The following DMXL2 variants were observed in gnomAD, a reference collection of about 807,000 sequenced individuals.
DMXL2 encodes Dmx like 2.
DMXL2 carries 103 observed loss-of-function variants against 331.1 expected under a neutral mutation model. The ratio of observed to expected loss-of-function variants is 0.31; its 90% CI spans 0.27 to 0.37. The LOEUF (loss-of-function observed/expected upper bound fraction) is 0.37. Among genes scored for constraint, DMXL2 ranks in the 10% least tolerant of loss-of-function variants. The probability of loss-of-function intolerance (pLI) is 1.00; values close to 1 mark genes in which losing one functional copy is unlikely to be tolerated. For missense variants in DMXL2, 3,171 were observed against 3,642.9 expected (o/e 0.87, Z 3.33); for synonymous variants, 1,281 against 1,252.1 (o/e 1.02, Z -0.49).
chr15:51,565,298 C>T, intron 3 of DMXL2, 132 bp from the exon 4 acceptor site: 1 of 547,726 alleles, frequency 1.8e-6, no homozygotes, highest in Non-Finnish European at 3.1e-6. Flanking sequence ...GAAAATATTT[C>T]ACTATTATTT....
chr15:51,487,387 A>AC (rs879606782), intron 22 of DMXL2, among the ~76,000 whole-genome samples: 1,737 of 152,290 alleles, frequency 0.011, 26 homozygotes, highest in East Asian at 0.025. Context: ...AGACATTCAT[A>AC]AACTATTTTT....
chr15:51,520,219 C>CGT (rs1463447477), intron 13 of DMXL2, among the ~76,000 whole-genome samples: 8 of 152,072 alleles, frequency 5.3e-5, no homozygotes, highest in Non-Finnish European at 1.5e-5. Flanking sequence ...ATGTCTTACC[C>CGT]ATTCAGTAAG....
chr15:51,522,869 GA>G (rs1478753039), intron 13 of DMXL2, among the ~76,000 whole-genome samples: 1 of 152,124 alleles, frequency 6.6e-6, no homozygotes, highest in Non-Finnish European at 1.5e-5. Flanking sequence ...CCTAGACTAT[GA>G]AATCCCACTT....
Position 51,563,566 on chromosome 15 carries a change from T to C in DMXL2, c.501-119A>G, listed in dbSNP as rs2050096777. 7.0e-6 allele frequency: 4 copies of C among 570,092 alleles called. No homozygotes were observed. The South Asian group carries it at 1.2e-4, about 17-fold the overall frequency. The allele number at this position is 570,092 out of a possible 1,614,324, so 35.3% of individuals were successfully genotyped here. A position where few individuals can be genotyped will look rare whatever the true frequency, so the allele number is the denominator to read the frequency against. On this transcript the variant is annotated intron_variant, in intron 5 of 43. Transcript: ENST00000560891. ...AGAATCCTCAGAATAAGACTGTTTT[T>C]GCTTCCCTAAAAATATAAATAAAAT...
rs1043839983 is a variant in DMXL2 at position 51,512,136 on chromosome 15, C to T, written c.2644+2306G>A. On this transcript the variant is annotated intron_variant, in intron 15 of 43. Coordinates refer to ENST00000560891, the MANE Select transcript of DMXL2 (RefSeq NM_001378457.1). ...AGCAAACCACCATGGCACATGTATACGTATGTAACAAACCTGCATGTTCTG... is the reference window on the plus strand; with the variant it reads ...AGCAAACCACCATGGCACATGTATATGTATGTAACAAACCTGCATGTTCTG... 6.6e-5 allele frequency among the ~76,000 whole-genome samples: 10 copies of T among 151,986 alleles called. No homozygotes were observed. In the Middle Eastern group the frequency reaches 0.01, roughly 155 times the overall value.
At chr15:51,491,840 A>G in intron 19 of DMXL2, 93 bp from the exon 20 acceptor site, 6 of 1,107,160 alleles carry the variant, frequency 5.4e-6, no homozygotes, top group Non-Finnish European at 6.2e-6. Context: ...TTCATTTTGG[A>G]AAGAATTTTG....
At chr15:51,548,599 C>A (rs774539791) in intron 6 of DMXL2, among the ~76,000 whole-genome samples, 1 of 151,940 alleles carries the variant, frequency 6.6e-6, no homozygotes, top group Non-Finnish European at 1.5e-5. Flanking sequence ...TACCCGAGAG[C>A]CCCTCAAAAG....
At chr15:51,589,239 T>C (rs898631216) in intron 1 of DMXL2, among the ~76,000 whole-genome samples, 4 of 152,202 alleles carry the variant, frequency 2.6e-5, no homozygotes, top group Admixed American at 6.5e-5. Context: ...TTAAGAATCA[T>C]GTGCAACTTG....
chr15:51,594,094 A>G (rs1467401807), intron 1 of DMXL2, among the ~76,000 whole-genome samples: 1 of 152,196 alleles, frequency 6.6e-6, no homozygotes, highest in African/African-American at 2.4e-5. Flanking sequence ...ATAGAGACAC[A>G]AAAAACCCTT....
Position 51,481,513 on chromosome 15 carries a change from A to C in DMXL2, c.5593T>G (p.Leu1865Val). The change falls in exon 24 of 44, where the codon TTA becomes GTA. Residue 1865 changes from leucine (L) to valine (V), a missense_variant. Leu to Val is a conservative substitution (Grantham distance 32). Transcript: ENST00000560891. ...AAGTTCTTCTCAGTTTTGAGACCTA[A>C]GGTTGCCAAAGTTCCTTCAGGGGAG... Reference protein sequence around the residue: ...LASPEGTLATLGLKTEKNFVD... With the variant: ...LASPEGTLATVGLKTEKNFVD... 2 of 1,613,658 alleles carry C rather than the reference A, an allele frequency of 1.2e-6. No individual in the cohort carries two copies. The highest frequency in any genetic ancestry group is 1.3e-5 in the African/African-American group (1 of 74,972).
At chr15:51,572,720 T>C (rs1265853571) in intron 2 of DMXL2, among the ~76,000 whole-genome samples, 1 of 152,106 alleles carries the variant, frequency 6.6e-6, no homozygotes, top group Non-Finnish European at 1.5e-5. Flanking sequence ...AAAAGGCCTT[T>C]GACAAAATTC....
At chr15:51,556,209 G>A (rs927033699) in intron 6 of DMXL2, among the ~76,000 whole-genome samples, 8 of 152,006 alleles carry the variant, frequency 5.3e-5, no homozygotes, top group African/African-American at 1.7e-4. Flanking sequence ...TGGGCGTGGT[G>A]GCGGGCGCCT....
chr15:51,478,456 C>T, intron 25 of DMXL2, 109 bp from the exon 26 acceptor site: 1 of 912,792 alleles, frequency 1.1e-6, no homozygotes, highest in Non-Finnish European at 1.7e-6. Flanking sequence ...ATAAATAAGA[C>T]TGAATCCTAG....
intron 13 of DMXL2, among the ~76,000 whole-genome samples, chr15:51,527,215 TAGGCCAGGAG>T (rs2047723518): frequency 6.6e-6 from 1 of 151,890 alleles, no homozygotes; most frequent in Non-Finnish European, 1.5e-5. Context: ...GGAAACCTTA[TAGGCCAGGAG>T]AAAGGCATGA....
In DMXL2 at chr15:51,451,652, G is replaced by A. The variant is rs757790094; in HGVS notation, c.8742C>T (p.Leu2914=). 1 of 1,612,468 alleles carries A rather than the reference G, an allele frequency of 6.2e-7. No homozygotes were observed. The highest frequency in any genetic ancestry group is 8.5e-7 in the Non-Finnish European group (1 of 1,178,968). The change falls in exon 42 of 44, where the codon CTC becomes CTT. Residue 2914 remains leucine (L), a synonymous_variant. Transcript: ENST00000560891. ...WDTLISPGNS[L]IHGFTCHDHG... is the part of the protein sequence containing the mutation. ...TCATAGACCTTAACTCACCATGAAT[G>A]AGGCTGTTTCCGGGTGATATTAATG... is the stretch of plus-strand genomic sequence containing the variant.
chr15:51,543,796 T>G (rs1006767587), intron 8 of DMXL2, among the ~76,000 whole-genome samples: 1 of 152,130 alleles, frequency 6.6e-6, no homozygotes, highest in African/African-American at 2.4e-5. Context: ...ACTTGTCAAA[T>G]CACTGGTTAC....
In DMXL2 at chr15:51,469,528, T is replaced by G. The variant is rs1212148340; in HGVS notation, c.7392+1695A>C. On this transcript the variant is annotated intron_variant, in intron 29 of 43. Transcript: ENST00000560891. ...TTTTTTTAATCTGAGGAAAAAAGAT[T>G]AATAGTAAATTGGCCACAATGGTAA... Among the ~76,000 whole-genome samples, 6 of 152,312 alleles carry G rather than the reference T, an allele frequency of 3.9e-5. No homozygotes were observed. In the South Asian group the frequency reaches 1.2e-3, roughly 32 times the overall value.
chr15:51,467,236 C>A (rs1019356493), intron 29 of DMXL2, among the ~76,000 whole-genome samples: 5 of 152,040 alleles, frequency 3.3e-5, no homozygotes, highest in African/African-American at 1.2e-4. Flanking sequence ...GTGGAAAAGA[C>A]TTCTGCTGAA....
At position 51,488,548 on chromosome 15, in the gene DMXL2, C is replaced by G; in HGVS notation, c.5051G>C (p.Arg1684Thr). Residue 1684 changes from arginine to threonine, a missense_variant and splice_region_variant, in exon 21 of 44, where the codon AGG becomes ACG. Physicochemically the swap from Arg to Thr is moderately conservative, Grantham distance 71. This residue lies in a region of DMXL2 where 252 missense variants were observed against 387.4 expected (regional missense o/e 0.65). Coordinates refer to ENST00000560891, the MANE Select transcript of DMXL2 (RefSeq NM_001378457.1). ...KKKAVVWGLFRSQHDEKMTTF... is the reference protein window; with the variant it reads ...KKKAVVWGLFTSQHDEKMTTF... ...CACGTTAAGTGTCAAGGCAACTTAC[C>G]TAAACAGACCCCACACTACTGCTTT... 1.2e-6 allele frequency: 2 copies of G among 1,612,494 alleles called. No homozygotes were observed. Among genetic ancestry groups the G allele is most frequent in the Non-Finnish European group, 1.7e-6 (2 of 1,179,296 alleles).
Sources: allele counts gnomAD v4.1 joint callset (sites outside exome capture counted in the v4.1 genomes callset), GRCh38; gene constraint gnomAD v4.1.1; regional missense constraint gnomAD v4.1.1; transcripts MANE v1.5; gene names NCBI Gene and HGNC (gene_info 2026-07-23, HGNC 2026-07-21).